Variants in PAM16 observed in about 807,000 individuals in gnomAD.
PAM16 encodes presequence translocase associated motor 16.
A neutral mutation model predicts 17.9 loss-of-function variants in PAM16; 11 were observed. The observed-to-expected ratio is 0.62, with a 90% CI of 0.39 to 1.02. PAM16 has a LOEUF of 1.02. PAM16 is among the 50% of genes least tolerant of loss of function. The pLI is 0.01. For missense variants in PAM16, 199 were observed against 165.4 expected (o/e 1.20, Z -1.11); for synonymous variants, 72 against 67.4 (o/e 1.07, Z -0.34).
At chr16:4,348,191 TG>T (rs2053787645) in intron 1 of PAM16, 1 of 152,246 alleles carries the variant, frequency 6.6e-6, no homozygotes, top group African/African-American at 2.4e-5. Flanking sequence ...ATCAGGGACC[TG>T]GCCAGTGGCT....
At chr16:4,343,428 C>T in intron 1 of PAM16, 137 bp from the exon 2 acceptor site, 2 of 1,452,388 alleles carry the variant, frequency 1.4e-6, no homozygotes, top group South Asian at 1.4e-5. Flanking sequence ...CCCAGGCCAA[C>T]CCCTCCAAAG....
rs535092839 is a variant in PAM16, at chr16:4,341,690, G to A, written c.89-186C>T. On this transcript the variant is annotated intron_variant, in intron 2 of 4. Coordinates refer to ENST00000318059, the MANE Select transcript of PAM16 (RefSeq NM_016069.11). ...GGTAGAGGCTGGGAAAGTGAGGACA[G>A]ACGTGCCTCACTGGAGGGTAAGGGC... 18 of 999,416 alleles carry A rather than the reference G, an allele frequency of 1.8e-5. No homozygotes were observed. The African/African-American group carries it at 2.3e-4, about 13-fold the overall frequency. The allele number at this position is 999,416 out of a possible 1,614,324, so 61.9% of individuals were successfully genotyped here.
intron 1 of PAM16, chr16:4,343,545 T>C (rs1462385738): frequency 1.4e-6 from 2 of 1,413,678 alleles, no homozygotes; most frequent in Non-Finnish European, 9.2e-7. Context: ...CCCCACCTCA[T>C]CCTTCAGGAA....
chr16:4,341,574 T>C, intron 2 of PAM16, 70 bp from the exon 3 acceptor site: 1 of 1,517,962 alleles, frequency 6.6e-7, no homozygotes, highest in Admixed American at 2.0e-5. Flanking sequence ...TCCGAGTTGG[T>C]GGCTCACCCC....
intron 1 of PAM16, among the ~76,000 whole-genome samples, chr16:4,344,966 G>C (rs2053730594): frequency 1.3e-5 from 2 of 152,102 alleles, no homozygotes; most frequent in Admixed American, 1.3e-4. Flanking sequence ...ACTGGCAGGA[G>C]AGAAGGCAGA....
chr16:4,350,474 C>A lies in PAM16; in HGVS notation c.3+758G>T, dbSNP rs540555581. Reference sequence around the variant, plus strand: ...TAGAGTGCACTGGCGGATCTCGGCTCATTGCAACCTCTGTCTCGCGGGTTC... The same window carrying A: ...TAGAGTGCACTGGCGGATCTCGGCTAATTGCAACCTCTGTCTCGCGGGTTC... On this transcript the variant is annotated intron_variant, in intron 1 of 4. Transcript: ENST00000318059. Among the ~76,000 whole-genome samples, 186 of 152,048 alleles carry A rather than the reference C, an allele frequency of 1.2e-3. 1 individual carries two copies. Among genetic ancestry groups the A allele is most frequent in the Non-Finnish European group, 2.2e-3 (151 of 67,984 alleles).
At chr16:4,349,041 G>C (rs900245358) in intron 1 of PAM16, among the ~76,000 whole-genome samples, 8 of 138,334 alleles carry the variant, frequency 5.8e-5, no homozygotes, top group Non-Finnish European at 4.7e-5. Flanking sequence ...CTGCAAGCTC[G>C]GCCTCCCGGG....
intron 2 of PAM16, among the ~76,000 whole-genome samples, chr16:4,343,002 G>A (rs528992012): frequency 5.3e-5 from 8 of 152,322 alleles, no homozygotes; most frequent in African/African-American, 1.7e-4. Flanking sequence ...ATCCAGATGG[G>A]CCAGTGTGCC....
At chr16:4,346,416 T>C (rs1301746574) in intron 1 of PAM16, among the ~76,000 whole-genome samples, 1 of 152,244 alleles carries the variant, frequency 6.6e-6, no homozygotes, top group African/African-American at 2.4e-5. Flanking sequence ...AGGTGCTCAA[T>C]AAACATTGGT....
At chr16:4,343,998 T>C (rs183729741) in intron 1 of PAM16, 1 of 398,010 alleles carries the variant, frequency 2.5e-6, no homozygotes, top group East Asian at 3.6e-5. Flanking sequence ...ACACAGAACC[T>C]GGTCCCTGCC....
At chr16:4,341,283 G>A (rs1026928626) in intron 3 of PAM16, 85 bp downstream of exon 3, 98 of 1,504,092 alleles carry the variant, frequency 6.5e-5, no homozygotes, top group Non-Finnish European at 6.8e-5. Flanking sequence ...CCTCCACATC[G>A]GACCTCCCTG....
At chr16:4,347,073 A>C (rs1282164679) in intron 1 of PAM16, 1 of 152,140 alleles carries the variant, frequency 6.6e-6, no homozygotes. Flanking sequence ...GCAGTGGTGC[A>C]ATCATGGCTC....
chr16:4,349,569 C>T lies in PAM16; in HGVS notation c.3+1663G>A, dbSNP rs565757130. ...ACCACTGTACTCCAGCCTAGGAGAC[C>T]CATCTGGGGCAACACAGCAAGACCC... is the stretch of plus-strand genomic sequence containing the variant. On this transcript the variant is annotated intron_variant, in intron 1 of 4. Coordinates refer to ENST00000318059, the MANE Select transcript of PAM16 (RefSeq NM_016069.11). Among the ~76,000 whole-genome samples the T allele has an allele frequency of 4.5e-4, 68 of 151,954 alleles. No homozygotes were observed. The South Asian group carries it at 0.012, about 27-fold the overall frequency.
At chr16:4,350,106 A>G (rs1024644600) in intron 1 of PAM16, among the ~76,000 whole-genome samples, 2 of 151,804 alleles carry the variant, frequency 1.3e-5, no homozygotes, top group Admixed American at 1.3e-4. Context: ...AAGAACCTGA[A>G]CTTTTTTTTT....
chr16:4,348,335 G>A (rs1281446355), intron 1 of PAM16: 1 of 152,222 alleles, frequency 6.6e-6, no homozygotes, highest in Non-Finnish European at 1.5e-5. Context: ...GGAGGGTTCT[G>A]GCCATCTCCC....
At chr16:4,344,188 G>T in intron 1 of PAM16, 1 of 382,682 alleles carries the variant, frequency 2.6e-6, no homozygotes, top group South Asian at 1.4e-4. Flanking sequence ...TTCGGTGAGA[G>T]GAGGGGGTTC....
chr16:4,350,009 A>G (rs1438663697), intron 1 of PAM16, among the ~76,000 whole-genome samples: 3 of 152,110 alleles, frequency 2.0e-5, no homozygotes, highest in Non-Finnish European at 4.4e-5. Context: ...CCTTATTACT[A>G]TGTTAGTTAA....
chr16:4,343,604 G>A, intron 1 of PAM16: 1 of 1,374,992 alleles, frequency 7.3e-7, no homozygotes, highest in Non-Finnish European at 9.4e-7. Flanking sequence ...GCTTCAGGAA[G>A]AAACACTGTG....
At chr16:4,343,081 C>A (rs2053674590) in intron 2 of PAM16, 126 bp downstream of exon 2, 1 of 1,262,620 alleles carries the variant, frequency 7.9e-7, no homozygotes, top group African/African-American at 1.5e-5. Context: ...CATCACCCCC[C>A]ACCATGGGAA....
Sources: gnomAD v4.1 joint callset for allele counts (sites outside exome capture counted in the v4.1 genomes callset) on GRCh38, gnomAD v4.1.1 for gene constraint, MANE v1.5 for transcripts, NCBI Gene and HGNC (gene_info 2026-07-23, HGNC 2026-07-21) for gene names.